The following OR6N1 variants were observed in gnomAD, a reference collection of about 807,000 sequenced individuals.
The protein encoded by OR6N1 is olfactory receptor family 6 subfamily N member 1, also known as olfactory receptor 6N1.
For synonymous variants in OR6N1, 170 were observed against 150.7 expected (o/e 1.13, Z -0.94); for missense variants, 394 against 371.7 (o/e 1.06, Z -0.49).
the OR6N1 span, among the ~76,000 whole-genome samples, chr1:158,809,589 C>T: frequency 6.6e-6 from 1 of 152,162 alleles, no homozygotes; most frequent in South Asian, 2.1e-4. Flanking sequence ...ATATTATGCT[C>T]CAGTGACTCA....
At chr1:158,781,520 G>T in the OR6N1 span, among the ~76,000 whole-genome samples, 1 of 152,106 alleles carries the variant, frequency 6.6e-6, no homozygotes, top group East Asian at 1.9e-4. Flanking sequence ...TAGACTCTTG[G>T]ACTCTAGTTC....
the OR6N1 span, chr1:158,777,574 C>A: frequency 3.0e-5 from 48 of 1,614,044 alleles, 1 homozygote; most frequent in South Asian, 4.9e-4. Flanking sequence ...CCTGACATAG[C>A]CCACACTGGC....
the OR6N1 span, among the ~76,000 whole-genome samples, chr1:158,812,925 A>C: frequency 6.6e-6 from 1 of 152,228 alleles, no homozygotes; most frequent in African/African-American, 2.4e-5. Context: ...TCTAACACAC[A>C]GTTCCTTTCC....
the OR6N1 span, among the ~76,000 whole-genome samples, chr1:158,839,231 C>T: frequency 6.6e-6 from 1 of 152,160 alleles, no homozygotes; most frequent in African/African-American, 2.4e-5. Context: ...GGAGGACTTT[C>T]ACTCTTCAGC....
chr1:158,794,728 A>T, the OR6N1 span, among the ~76,000 whole-genome samples: 23 of 152,214 alleles, frequency 1.5e-4, no homozygotes, highest in African/African-American at 5.3e-4. Flanking sequence ...AGCCAGGATG[A>T]TGCAGTCAAT....
At chr1:158,768,053 T>C (rs1448314840) in intron 1 of OR6N1, among the ~76,000 whole-genome samples, 1 of 152,228 alleles carries the variant, frequency 6.6e-6, no homozygotes, top group African/African-American at 2.4e-5. Flanking sequence ...TTTTGGTTAC[T>C]TTCTATCTTA....
At position 158,765,353 on chromosome 1, in the gene OR6N1, AC is replaced by A. The variant is rs1185334555; in HGVS notation, c.*390del. On this transcript the variant is annotated 3_prime_UTR_variant, in exon 2 of 2. Transcript: ENST00000641846. ...GAAATGATTGCAAGTGGTACAAAAA[AC>A]ATCATGAATCACATTTTGTTTAGGA... 1 of 160,626 alleles carries A rather than the reference AC, an allele frequency of 6.2e-6. No individual in the cohort carries two copies. Among genetic ancestry groups the A allele is most frequent in the Non-Finnish European group, 1.4e-5 (1 of 73,390 alleles). The allele number at this position is 160,626 out of a possible 1,614,324, so 10.0% of individuals were successfully genotyped here. A position where few individuals can be genotyped will look rare whatever the true frequency, so the allele number is the denominator to read the frequency against.
chr1:158,818,752 A>G, the OR6N1 span, among the ~76,000 whole-genome samples: 27,543 of 152,102 alleles, frequency 0.18, 2,718 homozygotes, highest in Admixed American at 0.27. Context: ...GTTGCATTGA[A>G]CTTCCCTATC....
chr1:158,777,243 G>C, the OR6N1 span: 1 of 1,614,138 alleles, frequency 6.2e-7, no homozygotes, highest in Non-Finnish European at 8.5e-7. Context: ...TTATAGGGTA[G>C]TGGAGGGGCC....
intron 1 of OR6N1, among the ~76,000 whole-genome samples, chr1:158,769,690 T>C (rs1218712359): frequency 2.6e-5 from 4 of 152,198 alleles, no homozygotes; most frequent in African/African-American, 7.2e-5. Context: ...TTTCTTGGCA[T>C]TTTTCTAAAC....
At chr1:158,815,358 T>C in the OR6N1 span, among the ~76,000 whole-genome samples, 2 of 152,274 alleles carry the variant, frequency 1.3e-5, no homozygotes, top group East Asian at 3.9e-4. Context: ...ACAATGTCAA[T>C]TAATGTGAGC....
the OR6N1 span, among the ~76,000 whole-genome samples, chr1:158,802,982 T>C: frequency 3.1e-4 from 47 of 152,326 alleles, no homozygotes; most frequent in Admixed American, 8.5e-4. Context: ...AGATGAATAA[T>C]GGAATTACAG....
At chr1:158,839,583 G>A in the OR6N1 span, among the ~76,000 whole-genome samples, 29 of 152,216 alleles carry the variant, frequency 1.9e-4, no homozygotes, top group South Asian at 8.3e-4. Context: ...GTCCCTCAAG[G>A]AACCTACAGA....
At chr1:158,808,182 G>A in the OR6N1 span, among the ~76,000 whole-genome samples, 1 of 136,478 alleles carries the variant, frequency 7.3e-6, no homozygotes, top group African/African-American at 2.8e-5. Context: ...CTGTCGCCCA[G>A]GCTGGAGTGC....
At chr1:158,770,613 T>C (rs1307326336) in intron 1 of OR6N1, among the ~76,000 whole-genome samples, 1 of 152,198 alleles carries the variant, frequency 6.6e-6, no homozygotes, top group Non-Finnish European at 1.5e-5. Flanking sequence ...TGTTGGAATA[T>C]CTGAAATGTA....
chr1:158,810,062 T>G, the OR6N1 span, among the ~76,000 whole-genome samples: 1 of 152,206 alleles, frequency 6.6e-6, no homozygotes, highest in Admixed American at 6.5e-5. Context: ...GAGCAACTTT[T>G]TACTCAACCT....
the OR6N1 span, among the ~76,000 whole-genome samples, chr1:158,803,709 A>G: frequency 6.6e-6 from 1 of 152,252 alleles, no homozygotes; most frequent in Non-Finnish European, 1.5e-5. Flanking sequence ...GATCCCTCAG[A>G]AGGCTATCAA....
chr1:158,826,549 A>G, the OR6N1 span, among the ~76,000 whole-genome samples: 2 of 152,316 alleles, frequency 1.3e-5, no homozygotes, highest in South Asian at 2.1e-4. Flanking sequence ...CTAGTCACTG[A>G]TGTTTCAATA....
the OR6N1 span, chr1:158,777,262 G>A: frequency 2.5e-6 from 4 of 1,614,114 alleles, no homozygotes; most frequent in South Asian, 2.2e-5. Context: ...CCGACAAATG[G>A]CCAGGTATCT....
Sources: gnomAD v4.1 joint callset for allele counts (sites outside exome capture counted in the v4.1 genomes callset) on GRCh38, gnomAD v4.1.1 for gene constraint, MANE v1.5 for transcripts, NCBI Gene and HGNC (gene_info 2026-07-23, HGNC 2026-07-21) for gene names.